ILDR2: variants seen among roughly 807,000 people sequenced by gnomAD.
The protein encoded by ILDR2 is immunoglobulin-like domain-containing receptor 2.
Under a neutral mutation model 66.8 loss-of-function variants are expected in ILDR2, and 25 were observed. The observed-to-expected ratio is 0.37, with a 90% CI of 0.27 to 0.52. The LOEUF is 0.52. Ranked by LOEUF, ILDR2 falls within the 20% of genes least tolerant of loss-of-function variation. The pLI, the probability that ILDR2 is intolerant of heterozygous loss-of-function variation, is 0.88. For missense variants in ILDR2, 827 were observed against 876.8 expected (o/e 0.94, Z 0.72); for synonymous variants, 367 against 357.2 (o/e 1.03, Z -0.31).
intron 6 of ILDR2, among the ~76,000 whole-genome samples, chr1:166,928,743 C>T (rs1660456395): frequency 6.6e-6 from 1 of 152,174 alleles, no homozygotes; most frequent in African/African-American, 2.4e-5. Context: ...ACAGAAGTCA[C>T]CCACACACCC....
At position 166,921,450 on chromosome 1, in the gene ILDR2, A is replaced by C; in HGVS notation, c.1212-71T>G. ...AGCTCCAGGTAGGGCTCCCAAGAGC[A>C]CCCATCGTGTCCTGGGGCCACGCTC... On this transcript the variant is annotated intron_variant, in intron 8 of 9. Transcript: ENST00000271417. The surrounding 1 kb of genome is among the most constrained non-coding windows in gnomAD (Gnocchi z 5.3). 2.3e-6 allele frequency: 3 copies of C among 1,326,548 alleles called. No individual in the cohort carries two copies. The highest frequency in any genetic ancestry group is 1.5e-5 in the African/African-American group (1 of 68,144). The allele number at this position is 1,326,548 out of a possible 1,614,324, so 82.2% of individuals were successfully genotyped here.
At position 166,919,288 on chromosome 1, in the gene ILDR2, T is replaced by C; in HGVS notation, c.*67A>G. The C allele has an allele frequency of 6.8e-7, 1 of 1,467,418 alleles. No individual in the cohort carries two copies. The highest frequency in any genetic ancestry group is 9.5e-7 in the Non-Finnish European group (1 of 1,055,024). 90.9% of individuals were successfully genotyped at this position (1,467,418 alleles called of 1,614,324 possible). On this transcript the variant is annotated 3_prime_UTR_variant, in exon 10 of 10. Transcript: ENST00000271417. ...GAGAAGGTCCTGGGCCTGCTGGTTC[T>C]TAGATTTGTGTCTTGTCCCCGTAGT...
chr1:166,962,320 C>A (rs1382573599), intron 1 of ILDR2, among the ~76,000 whole-genome samples: 6 of 152,182 alleles, frequency 3.9e-5, no homozygotes, highest in African/African-American at 1.2e-4. Flanking sequence ...TATTTAGAGA[C>A]TGTTTTTCCA....
At chr1:166,897,097 A>C (rs2101810450) in intron 2 of ILDR2, among the ~76,000 whole-genome samples, 1 of 152,276 alleles carries the variant, frequency 6.6e-6, no homozygotes, top group African/African-American at 2.4e-5. Context: ...TAGAATAGCA[A>C]CTCTGATAGC....
chr1:166,905,856 C>T (rs991592530), downstream of ILDR2, among the ~76,000 whole-genome samples: 9 of 152,210 alleles, frequency 5.9e-5, no homozygotes, highest in Admixed American at 5.9e-4. Context: ...TGGCCATACT[C>T]TATCTCAGAA....
intron 1 of ILDR2, among the ~76,000 whole-genome samples, chr1:166,966,558 G>A (rs893729575): frequency 2.0e-5 from 3 of 152,110 alleles, no homozygotes; most frequent in Non-Finnish European, 4.4e-5. Flanking sequence ...CACAAATCTT[G>A]CTATTCATCA....
At chr1:166,974,251 T>C (rs1398957503) in intron 1 of ILDR2, among the ~76,000 whole-genome samples, 1 of 152,172 alleles carries the variant, frequency 6.6e-6, no homozygotes. Flanking sequence ...ATTTGAATGG[T>C]TGCCTCTGAC....
In ILDR2 at chr1:166,919,382, A is replaced by C; in HGVS notation, c.1893T>G (p.Phe631Leu). 6.2e-7 allele frequency: 1 copy of C among 1,609,196 alleles called. No homozygotes were observed. The highest frequency in any genetic ancestry group is 8.5e-7 in the Non-Finnish European group (1 of 1,176,158). ...KKEPAKKTND[F>L]PTRMSLVV Reference sequence around the variant, plus strand: ...AGACCACAAGGGACATCCTGGTTGGAAAGTCATTCTAGGAAAGAGCAGAAA... The same window carrying C: ...AGACCACAAGGGACATCCTGGTTGGCAAGTCATTCTAGGAAAGAGCAGAAA... The change falls in exon 10 of 10, where the codon TTT becomes TTG. Residue 631 changes from phenylalanine (F) to leucine (L), a missense_variant. Phe to Leu is a conservative substitution (Grantham distance 22). This residue lies in a region of ILDR2 where 390 missense variants were observed against 353.6 expected (regional missense o/e 1.10). Transcript: ENST00000271417.
At chr1:166,965,255 G>A (rs144716296) in intron 1 of ILDR2, among the ~76,000 whole-genome samples, 1 of 152,212 alleles carries the variant, frequency 6.6e-6, no homozygotes, top group African/African-American at 2.4e-5. Context: ...TGCAATATTT[G>A]CATACATATG....
intron 5 of ILDR2, 105 bp from the exon 6 acceptor site, chr1:166,935,582 G>T: frequency 1.0e-6 from 1 of 974,420 alleles, no homozygotes; most frequent in Non-Finnish European, 1.5e-6. Context: ...CTGGATGTGT[G>T]TATGTGCATG....
chr1:166,962,230 T>C (rs552207384), intron 1 of ILDR2, among the ~76,000 whole-genome samples: 53 of 152,324 alleles, frequency 3.5e-4, no homozygotes, highest in Admixed American at 6.5e-4. Flanking sequence ...ATTGCTCTTC[T>C]GGCCCTAACC....
At chr1:166,971,932 C>T (rs1437206301) in intron 1 of ILDR2, among the ~76,000 whole-genome samples, 1 of 152,078 alleles carries the variant, frequency 6.6e-6, no homozygotes, top group Admixed American at 6.5e-5. Flanking sequence ...TAATAAAGGG[C>T]CGGGCATGGT....
intron 6 of ILDR2, among the ~76,000 whole-genome samples, chr1:166,932,116 A>C (rs530370934): frequency 6.6e-6 from 1 of 152,380 alleles, no homozygotes; most frequent in South Asian, 2.1e-4. Context: ...CCCAGCATAC[A>C]CAGAGATAGG....
rs145211764 is a variant in ILDR2, at chr1:166,940,140, T to C, written c.500-570A>G. On this transcript the variant is annotated intron_variant, in intron 3 of 9. Coordinates refer to ENST00000271417, the MANE Select transcript of ILDR2 (RefSeq NM_199351.3). ...TCTACACTCCTTCTGGCTTCTGAAATACACTGTACATATGTAGATGGTATG... is the reference window on the plus strand; with the variant it reads ...TCTACACTCCTTCTGGCTTCTGAAACACACTGTACATATGTAGATGGTATG... Among the ~76,000 whole-genome samples, 61 of 152,332 alleles carry C rather than the reference T, an allele frequency of 4.0e-4. No individual in the cohort carries two copies. The East Asian group carries it at 0.01, about 26-fold the overall frequency.
At chr1:166,900,192 AC>A (rs1659236432) in intron 2 of ILDR2, among the ~76,000 whole-genome samples, 2 of 150,034 alleles carry the variant, frequency 1.3e-5, no homozygotes, top group Admixed American at 6.6e-5. Context: ...CATGCCCTCC[AC>A]AGCAGGCTCC....
chr1:166,897,967 C>G (rs561349170), intron 2 of ILDR2, among the ~76,000 whole-genome samples: 1 of 152,180 alleles, frequency 6.6e-6, no homozygotes, highest in Non-Finnish European at 1.5e-5. Context: ...GAGCTTGCAG[C>G]TGGCATCTGA....
rs1659881569 is a variant in ILDR2 at position 166,920,857 on chromosome 1, C to T, written c.1734G>A (p.Ser578=). The T allele has an allele frequency of 2.7e-6, 4 of 1,507,486 alleles. No individual in the cohort carries two copies. The highest frequency in any genetic ancestry group is 2.5e-5 in the South Asian group (2 of 80,624). The allele number at this position is 1,507,486 out of a possible 1,614,324, so 93.4% of individuals were successfully genotyped here. A position where few individuals can be genotyped will look rare whatever the true frequency, so the allele number is the denominator to read the frequency against. ...WSPPGTYKAG[S]SQDDQEDASD... The stretch of plus-strand genomic sequence containing the variant: ...ACGCGTCCTCCTGGTCGTCCTGCGA[C>T]GAGCCGGCCTTGTAGGTGCCGGGCG... The change falls in exon 9 of 10, where the codon TCG becomes TCA. Residue 578 remains serine, a synonymous_variant. Transcript: ENST00000271417.
At chr1:166,905,082 A>T (rs747875075), downstream of ILDR2, among the ~76,000 whole-genome samples, 3 of 152,216 alleles carry the variant, frequency 2.0e-5, no homozygotes, top group African/African-American at 7.2e-5. Flanking sequence ...CAAAAATCCC[A>T]AAGGGGATTG....
intron 1 of ILDR2, among the ~76,000 whole-genome samples, chr1:166,969,075 C>T (rs1663127694): frequency 6.6e-6 from 1 of 152,032 alleles, no homozygotes; most frequent in Admixed American, 6.6e-5. Context: ...TTTTAATTAT[C>T]ACAACAACCC....
Sources: allele counts gnomAD v4.1 joint callset (sites outside exome capture counted in the v4.1 genomes callset), GRCh38; gene constraint gnomAD v4.1.1; regional missense constraint gnomAD v4.1.1; non-coding constraint Gnocchi (gnomAD v3.1); transcripts MANE v1.5; gene names NCBI Gene and HGNC (gene_info 2026-07-23, HGNC 2026-07-21).